DOK5: variants seen among roughly 807,000 people sequenced by gnomAD.
DOK5 encodes docking protein 5.
A neutral mutation model predicts 43.3 loss-of-function variants in DOK5; 27 were observed. The observed-to-expected ratio is 0.62, with a 90% confidence interval of 0.46 to 0.86. The LOEUF (loss-of-function observed/expected upper bound fraction) is 0.86. Ranked by LOEUF, DOK5 falls within the 40% of genes least tolerant of loss-of-function variation. The pLI is 0.00. For synonymous variants in DOK5, 146 were observed against 140.1 expected (o/e 1.04, Z -0.30); for missense variants, 373 against 392.9 (o/e 0.95, Z 0.43).
At chr20:54,588,132 C>T (rs998771030) in intron 2 of DOK5, among the ~76,000 whole-genome samples, 6 of 152,044 alleles carry the variant, frequency 3.9e-5, no homozygotes, top group African/African-American at 1.4e-4. Flanking sequence ...TCCACAGAGA[C>T]CGAAACAGAC....
intron 1 of DOK5, among the ~76,000 whole-genome samples, chr20:54,514,478 G>A (rs1018284079): frequency 2.6e-5 from 4 of 151,832 alleles, no homozygotes; most frequent in Non-Finnish European, 5.9e-5. Flanking sequence ...CATTTAATGG[G>A]CTGTTAAATA....
intron 5 of DOK5, among the ~76,000 whole-genome samples, chr20:54,594,092 C>T (rs762262470): frequency 6.6e-5 from 10 of 152,158 alleles, no homozygotes; most frequent in East Asian, 1.9e-4. Flanking sequence ...TAAGTCACCA[C>T]GACACAAATT....
At chr20:54,637,507 A>G (rs1360791819) in intron 6 of DOK5, among the ~76,000 whole-genome samples, 1 of 152,278 alleles carries the variant, frequency 6.6e-6, no homozygotes, top group Non-Finnish European at 1.5e-5. Flanking sequence ...GCATATACAC[A>G]TAAGAAAGAT....
chr20:54,549,345 A>G (rs1006449112), intron 1 of DOK5, among the ~76,000 whole-genome samples: 4 of 152,226 alleles, frequency 2.6e-5, no homozygotes, highest in Admixed American at 2.6e-4. Context: ...ATGACAATAA[A>G]GGAAAGATCT....
At chr20:54,537,671 C>G (rs1203841981) in intron 1 of DOK5, among the ~76,000 whole-genome samples, 2 of 152,022 alleles carry the variant, frequency 1.3e-5, no homozygotes, top group African/African-American at 4.8e-5. Flanking sequence ...ACAAGAGTTT[C>G]AGGGACCTTG....
At chr20:54,519,314 A>G in intron 1 of DOK5, among the ~76,000 whole-genome samples, 1 of 152,238 alleles carries the variant, frequency 6.6e-6, no homozygotes, top group East Asian at 1.9e-4. Context: ...TATGTTTAAT[A>G]TTTAGCATCT....
At chr20:54,598,071 T>C (rs1178090430) in intron 5 of DOK5, among the ~76,000 whole-genome samples, 2 of 152,198 alleles carry the variant, frequency 1.3e-5, no homozygotes, top group Non-Finnish European at 2.9e-5. Context: ...GTTTGGAGTG[T>C]AGGCACATAC....
intron 1 of DOK5, among the ~76,000 whole-genome samples, chr20:54,538,189 T>C (rs1450034001): frequency 1.3e-5 from 2 of 151,558 alleles, no homozygotes; most frequent in Non-Finnish European, 2.9e-5. Flanking sequence ...GAGAAAAAAA[T>C]TGGTTTTATT....
chr20:54,643,355 G>T (rs556922022), intron 6 of DOK5, 103 bp from the exon 7 acceptor site: 14 of 1,476,092 alleles, frequency 9.5e-6, no homozygotes, highest in Non-Finnish European at 1.3e-5. Flanking sequence ...TTGCAGCCTG[G>T]CCAGCTCTGT....
chr20:54,496,564 G>A (rs1445390731), intron 1 of DOK5, among the ~76,000 whole-genome samples: 4 of 151,906 alleles, frequency 2.6e-5, no homozygotes, highest in East Asian at 1.9e-4. Context: ...TCAGGAGATC[G>A]AGACCATCCT....
At chr20:54,610,609 G>A (rs1186225043) in intron 6 of DOK5, 86 bp downstream of exon 6, 3 of 1,305,348 alleles carry the variant, frequency 2.3e-6, no homozygotes, top group Non-Finnish European at 3.0e-6. Context: ...AATATGGTCA[G>A]CATTATTTGA....
intron 6 of DOK5, among the ~76,000 whole-genome samples, chr20:54,619,026 TATATATATATATATATATATATA>T (rs1986903016): frequency 7.5e-4 from 32 of 42,814 alleles, no homozygotes; most frequent in Admixed American, 1.1e-3. Flanking sequence ...CAATAAATTA[TATATATATATATATATATATATA>T]TATATATATA....
At chr20:54,638,284 A>C (rs1978936382) in intron 6 of DOK5, among the ~76,000 whole-genome samples, 1 of 152,164 alleles carries the variant, frequency 6.6e-6, no homozygotes, top group Non-Finnish European at 1.5e-5. Flanking sequence ...AGAGTATCTA[A>C]AGGAGGTGAT....
intron 4 of DOK5, 32 bp downstream of exon 4, chr20:54,588,838 CA>C: frequency 6.2e-7 from 1 of 1,609,654 alleles, no homozygotes; most frequent in East Asian, 2.2e-5. Context: ...CTCTCTCTTT[CA>C]AAACTGCTTC....
chr20:54,502,340 A>T (rs1982640300), intron 1 of DOK5, among the ~76,000 whole-genome samples: 1 of 152,206 alleles, frequency 6.6e-6, no homozygotes, highest in Admixed American at 6.5e-5. Context: ...ATAACTGGTG[A>T]ATCAGAGTAA....
chr20:54,572,248 C>T (rs1001636825), intron 2 of DOK5, among the ~76,000 whole-genome samples: 5 of 151,866 alleles, frequency 3.3e-5, no homozygotes, highest in African/African-American at 1.2e-4. Context: ...GCAAGCTCTG[C>T]CTCCCAGGTT....
chr20:54,519,358 T>C (rs1983312964), intron 1 of DOK5, among the ~76,000 whole-genome samples: 1 of 152,178 alleles, frequency 6.6e-6, no homozygotes, highest in South Asian at 2.1e-4. Context: ...CTATTAGATA[T>C]TTAATTGGTA....
chr20:54,614,953 C>A (rs6098118), intron 6 of DOK5, among the ~76,000 whole-genome samples: 10,259 of 152,278 alleles, frequency 0.067, 384 homozygotes, highest in Middle Eastern at 0.096. Context: ...ATCCACATAG[C>A]CCTGGCTACA....
At chr20:54,514,126 T>C (rs1983108338) in intron 1 of DOK5, among the ~76,000 whole-genome samples, 1 of 152,224 alleles carries the variant, frequency 6.6e-6, no homozygotes, top group African/African-American at 2.4e-5. Flanking sequence ...TGGTACCTCC[T>C]AAGCCATCAC....
Sources: allele counts gnomAD v4.1 joint callset (sites outside exome capture counted in the v4.1 genomes callset), GRCh38; gene constraint gnomAD v4.1.1; transcripts MANE v1.5; gene names NCBI Gene and HGNC (gene_info 2026-07-23, HGNC 2026-07-21).